The following YEATS2 variants were observed in gnomAD, a reference collection of about 807,000 sequenced individuals.
YEATS2 encodes YEATS domain containing 2.
YEATS2 carries 77 observed loss-of-function variants against 163.2 expected under a neutral mutation model. The observed-to-expected ratio is 0.47, with a 90% CI of 0.39 to 0.57. YEATS2 has a LOEUF of 0.57. Ranked by LOEUF, YEATS2 falls within the 20% of genes least tolerant of loss-of-function variation. The pLI, the probability that YEATS2 is intolerant of heterozygous loss-of-function variation, is 0.00. For synonymous variants in YEATS2, 631 were observed against 645.1 expected (o/e 0.98, Z 0.33); for missense variants, 1,549 against 1,729.8 (o/e 0.90, Z 1.85).
At chr3:183,758,539 T>C (rs1284870815) in intron 12 of YEATS2, among the ~76,000 whole-genome samples, 4 of 152,154 alleles carry the variant, frequency 2.6e-5, no homozygotes, top group African/African-American at 9.7e-5. Context: ...TATAGTGTCT[T>C]TTATTGTATA....
At chr3:183,713,881 C>G (rs1468313531) in intron 1 of YEATS2, among the ~76,000 whole-genome samples, 2 of 152,196 alleles carry the variant, frequency 1.3e-5, no homozygotes, top group Non-Finnish European at 2.9e-5. Context: ...TCTCGGCTCA[C>G]TGCAACCGCT....
chr3:183,790,014 G>A (rs1724457405), intron 20 of YEATS2, among the ~76,000 whole-genome samples: 1 of 152,158 alleles, frequency 6.6e-6, no homozygotes, highest in Non-Finnish European at 1.5e-5. Flanking sequence ...TGCAGCTGCT[G>A]CTTCCCCGTG....
intron 19 of YEATS2, among the ~76,000 whole-genome samples, chr3:183,783,592 A>C (rs897994381): frequency 1.3e-5 from 2 of 152,172 alleles, no homozygotes. Context: ...TATTGTGGCC[A>C]TCTTTGTGTC....
chr3:183,734,465 T>A (rs535199336), intron 7 of YEATS2, among the ~76,000 whole-genome samples: 1 of 152,302 alleles, frequency 6.6e-6, no homozygotes, highest in Non-Finnish European at 1.5e-5. Context: ...GAACACTGAT[T>A]GGGTCATAGC....
chr3:183,772,443 G>A lies in YEATS2; in HGVS notation c.2086G>A (p.Gly696Arg), dbSNP rs1722569502. The A allele has an allele frequency of 2.5e-6, 4 of 1,614,062 alleles. No individual in the cohort carries two copies. The highest frequency in any genetic ancestry group is 2.2e-5 in the East Asian group (1 of 44,898). ...TGGGCCAAAGCAAGTTGTAACCCAA[G>A]GAGTTGCCAAAGCAATTGTGAGTGG... ...AVGPKQVVTQ[G>R]VAKAIVSGGG... is the part of the protein sequence containing the mutation. The change falls in exon 16 of 31, where the codon GGA becomes AGA. Residue 696 changes from glycine (G) to arginine (R), a missense_variant. By Grantham distance (125) the Gly-to-Arg change is moderately radical (BLOSUM62 -2). Transcript: ENST00000305135.
At chr3:183,770,320 G>C (rs144808499) in intron 15 of YEATS2, among the ~76,000 whole-genome samples, 3,634 of 151,958 alleles carry the variant, frequency 0.024, 152 homozygotes, top group African/African-American at 0.083. Flanking sequence ...TGAGGCGGAG[G>C]TTGCAGTGAG....
intron 7 of YEATS2, among the ~76,000 whole-genome samples, chr3:183,730,483 C>T (rs1717668216): frequency 6.6e-6 from 1 of 152,138 alleles, no homozygotes; most frequent in African/African-American, 2.4e-5. Flanking sequence ...AACATGGCTG[C>T]CTCCTGAGAA....
At chr3:183,748,043 T>C (rs1000738947) in intron 9 of YEATS2, among the ~76,000 whole-genome samples, 1 of 152,136 alleles carries the variant, frequency 6.6e-6, no homozygotes, top group Admixed American at 6.5e-5. Flanking sequence ...GTGTTAGTTT[T>C]TTTTTTTAAA....
intron 19 of YEATS2, among the ~76,000 whole-genome samples, chr3:183,782,493 A>T (rs1254890687): frequency 6.7e-6 from 1 of 150,074 alleles, no homozygotes; most frequent in Non-Finnish European, 1.5e-5. Context: ...GCGTGATCTC[A>T]GCTCACTACG....
chr3:183,756,592 C>T lies in YEATS2; in HGVS notation c.1455C>T (p.His485=), dbSNP rs777753501. ...GAACCCCGACTTCCACTCCAGTCCA[C>T]GTGAAGCAAGGCACTGCCGGCTCTG... ...LPRTPTSTPV[H]VKQGTAGSVI... Residue 485 remains histidine, a synonymous_variant, in exon 12 of 31, where the codon CAC becomes CAT. Coordinates refer to ENST00000305135, the MANE Select transcript of YEATS2 (RefSeq NM_018023.5). 6.8e-6 allele frequency: 11 copies of T among 1,607,278 alleles called. No individual in the cohort carries two copies. Among genetic ancestry groups the T allele is most frequent in the South Asian group, 6.8e-5 (6 of 88,884 alleles).
Position 183,721,989 on chromosome 3 carries a change from A to G in YEATS2, c.390A>G (p.Ala130=). 6.2e-7 allele frequency: 1 copy of G among 1,614,210 alleles called. No individual in the cohort carries two copies. The highest frequency in any genetic ancestry group is 2.2e-5 in the East Asian group (1 of 44,860). ...CATCATCTCCTGCCAATCAGAGAGC[A>G]GAAACACCATCAGCCAATCATTCAG... ...SRSSSPANQR[A]ETPSANHSES... is the part of the protein sequence containing the mutation. Residue 130 remains alanine, a synonymous_variant, in exon 5 of 31, where the codon GCA becomes GCG. Transcript: ENST00000305135.
intron 25 of YEATS2, chr3:183,802,938 A>G: frequency 3.9e-6 from 1 of 257,420 alleles, no homozygotes; most frequent in Non-Finnish European, 7.5e-6. Context: ...TACCACAACC[A>G]CCTTGTGAGT....
chr3:183,707,536 T>A (rs1714735278), intron 1 of YEATS2, among the ~76,000 whole-genome samples: 1 of 152,202 alleles, frequency 6.6e-6, no homozygotes, highest in Admixed American at 6.5e-5. Flanking sequence ...CTGGTTGTCT[T>A]GTTTACAAAA....
At chr3:183,807,706 A>C (rs762218813) in intron 28 of YEATS2, 3 of 257,872 alleles carry the variant, frequency 1.2e-5, no homozygotes, top group Non-Finnish European at 7.4e-6. Context: ...AGGACGTTGG[A>C]GTCTGATTCC....
intron 14 of YEATS2, 39 bp downstream of exon 14, chr3:183,761,653 A>G (rs1369519848): frequency 1.9e-6 from 3 of 1,587,928 alleles, no homozygotes; most frequent in Non-Finnish European, 8.6e-7. Flanking sequence ...AAGTCATAAT[A>G]CTTTTTGTGG....
intron 8 of YEATS2, among the ~76,000 whole-genome samples, chr3:183,745,474 T>G (rs1373032425): frequency 6.6e-6 from 1 of 152,154 alleles, no homozygotes; most frequent in Non-Finnish European, 1.5e-5. Flanking sequence ...TGGGTCTTTT[T>G]TAATGCTCTT....
Position 183,777,625 on chromosome 3 carries a change from A to T in YEATS2, c.2661A>T (p.Gly887=). 6.2e-7 allele frequency: 1 copy of T among 1,614,196 alleles called. No homozygotes were observed. Among genetic ancestry groups the T allele is most frequent in the Non-Finnish European group, 8.5e-7 (1 of 1,180,038 alleles). ...GGTCAGTGGTCCAAGGAACACTGGG[A>T]GTCAGCACATCTTCTGCACAAGGAC... is the stretch of plus-strand genomic sequence containing the variant. The part of the protein sequence containing the change: ...TTGSVVQGTL[G]VSTSSAQGQQ... The change falls in exon 19 of 31, where the codon GGA becomes GGT. Residue 887 remains glycine (G), a synonymous_variant. Transcript: ENST00000305135.
At position 183,758,916 on chromosome 3, in the gene YEATS2, C is replaced by T. The variant is rs1450937917; in HGVS notation, c.1607C>T (p.Ser536Phe). The part of the protein sequence containing the change: ...TASQVSQGTG[S>F]PVPKIHGSSF... Reference sequence around the variant, plus strand: ...TCTCAGGTCTCCCAAGGAACAGGTTCCCCTGTTCCTAAAATTCATGGAAGT... The same window carrying T: ...TCTCAGGTCTCCCAAGGAACAGGTTTCCCTGTTCCTAAAATTCATGGAAGT... The change falls in exon 13 of 31, where the codon TCC becomes TTC. Residue 536 changes from serine (S) to phenylalanine (F), a missense_variant. Coordinates refer to ENST00000305135, the MANE Select transcript of YEATS2 (RefSeq NM_018023.5). The T allele has an allele frequency of 1.3e-6, 2 of 1,594,726 alleles. No individual in the cohort carries two copies. Among genetic ancestry groups the T allele is most frequent in the South Asian group, 1.2e-5 (1 of 86,148 alleles).
At chr3:183,715,961 T>A (rs908744845) in intron 2 of YEATS2, among the ~76,000 whole-genome samples, 1 of 152,044 alleles carries the variant, frequency 6.6e-6, no homozygotes, top group Non-Finnish European at 1.5e-5. Context: ...ACTTTTTTAT[T>A]TATTTATTTA....
Sources: allele counts gnomAD v4.1 joint callset (sites outside exome capture counted in the v4.1 genomes callset), GRCh38; gene constraint gnomAD v4.1.1; transcripts MANE v1.5; gene names NCBI Gene and HGNC (gene_info 2026-07-23, HGNC 2026-07-21).